Variants in NRG3 observed in about 807,000 individuals in gnomAD.
NRG3 encodes pro-neuregulin-3, membrane-bound isoform.
Under a neutral mutation model 66.9 loss-of-function variants are expected in NRG3, and 31 were observed. The ratio of observed to expected loss-of-function variants is 0.46; its 90% CI spans 0.35 to 0.63. NRG3 has a LOEUF of 0.63. NRG3 is among the 20% of genes least tolerant of loss of function. NRG3 has a pLI of 0.00. For synonymous variants in NRG3, 393 were observed against 359.4 expected, an observed-to-expected ratio of 1.09 and a Z score of -1.06; for missense variants, 910 against 878.9, an observed-to-expected ratio of 1.04 and a Z score of -0.45.
chr10:82,861,278 T>C (rs1011713708), intron 3 of NRG3, among the ~76,000 whole-genome samples: 1 of 152,026 alleles, frequency 6.6e-6, no homozygotes, highest in African/African-American at 2.4e-5. Context: ...TAAGCTATTA[T>C]AAAAAATTAA....
At chr10:82,495,558 C>A (rs11194699) in intron 2 of NRG3, among the ~76,000 whole-genome samples, 1 of 151,826 alleles carries the variant, frequency 6.6e-6, no homozygotes, top group Non-Finnish European at 1.5e-5. Flanking sequence ...ACTGTTTTCC[C>A]AGAGTAATCT....
intron 5 of NRG3, among the ~76,000 whole-genome samples, chr10:82,951,784 C>T (rs969482746): frequency 6.6e-6 from 1 of 152,096 alleles, no homozygotes; most frequent in Non-Finnish European, 1.5e-5. Context: ...CACATGTGTG[C>T]GCGGTTTATC....
chr10:82,541,979 A>G (rs749624685), intron 2 of NRG3, among the ~76,000 whole-genome samples: 19 of 152,174 alleles, frequency 1.2e-4, no homozygotes, highest in Non-Finnish European at 2.2e-4. Context: ...ATAGGTATAC[A>G]TGTGCCATGG....
At position 82,714,112 on chromosome 10, in the gene NRG3, A is replaced by G. The variant is rs982446097; in HGVS notation, c.954-24465A>G. ...GTTAATTTCATTTACTTTTTCATTG[A>G]CAGTTAAAATGATATGTATTACTAT... On this transcript the variant is annotated intron_variant, in intron 2 of 8. Coordinates refer to ENST00000372141, the MANE Select transcript of NRG3 (RefSeq NM_001010848.4). Among the ~76,000 whole-genome samples the G allele has an allele frequency of 3.3e-5, 5 of 152,314 alleles. 1 individual carries two copies. The highest frequency in any genetic ancestry group is 3.3e-4 in the Admixed American group (5 of 15,306).
chr10:82,353,092 G>A (rs766861193), intron 1 of NRG3, among the ~76,000 whole-genome samples: 8 of 152,138 alleles, frequency 5.3e-5, no homozygotes, highest in Non-Finnish European at 8.8e-5. Context: ...TGGCTACTAG[G>A]TTTCTGGCCT....
At chr10:81,883,575 A>T (rs1262618185) in intron 1 of NRG3, among the ~76,000 whole-genome samples, 1 of 152,140 alleles carries the variant, frequency 6.6e-6, no homozygotes, top group Non-Finnish European at 1.5e-5. Flanking sequence ...CCATACGAAC[A>T]TTTTTTTAAA....
intron 1 of NRG3, among the ~76,000 whole-genome samples, chr10:82,047,947 TCC>T (rs2063389339): frequency 2.0e-5 from 3 of 151,806 alleles, no homozygotes; most frequent in African/African-American, 7.3e-5. Context: ...GGGGTTGCAA[TCC>T]TCATCTCTGA....
chr10:82,958,139 A>C (rs1564665681), intron 5 of NRG3, among the ~76,000 whole-genome samples: 1 of 152,182 alleles, frequency 6.6e-6, no homozygotes. Flanking sequence ...AAGCGGTGGG[A>C]CCATGAGCAC....
At chr10:82,097,430 TATATATATATATCTGTA>T (rs1420175303) in intron 1 of NRG3, among the ~76,000 whole-genome samples, 3 of 136,370 alleles carry the variant, frequency 2.2e-5, no homozygotes, top group African/African-American at 3.2e-5. Flanking sequence ...CTGTAATATA[TATATATATATATCTGTA>T]ATATATATAT....
chr10:82,825,058 A>G (rs1435765761), intron 3 of NRG3, among the ~76,000 whole-genome samples: 1 of 152,088 alleles, frequency 6.6e-6, no homozygotes, highest in Non-Finnish European at 1.5e-5. Flanking sequence ...TTTATGTATT[A>G]TGCATCCAAG....
intron 1 of NRG3, among the ~76,000 whole-genome samples, chr10:81,984,628 C>T (rs1418679035): frequency 6.6e-6 from 1 of 152,182 alleles, no homozygotes; most frequent in Non-Finnish European, 1.5e-5. Flanking sequence ...CGTCAAGAGG[C>T]AGTTTAAATA....
chr10:82,363,996 GA>G (rs778886070), intron 2 of NRG3, among the ~76,000 whole-genome samples: 7 of 149,412 alleles, frequency 4.7e-5, no homozygotes, highest in Admixed American at 1.3e-4. Flanking sequence ...TCCTAATTCT[GA>G]AAAAAAAACT....
chr10:82,196,118 T>C (rs2074434287), intron 1 of NRG3, among the ~76,000 whole-genome samples: 1 of 152,134 alleles, frequency 6.6e-6, no homozygotes, highest in South Asian at 2.1e-4. Flanking sequence ...AATCTGAGAC[T>C]CCATCTAAAA....
chr10:82,652,510 C>G (rs947543060), intron 2 of NRG3, among the ~76,000 whole-genome samples: 1 of 152,134 alleles, frequency 6.6e-6, no homozygotes, highest in African/African-American at 2.4e-5. Flanking sequence ...TCAAGGTTTC[C>G]CTCTGAAGTC....
intron 2 of NRG3, among the ~76,000 whole-genome samples, chr10:82,685,036 C>G (rs1047937670): frequency 6.6e-6 from 1 of 151,930 alleles, no homozygotes; most frequent in Non-Finnish European, 1.5e-5. Context: ...GGCAAGTCAT[C>G]TACGAAGTAA....
chr10:82,180,522 T>C (rs1325291565), intron 1 of NRG3, among the ~76,000 whole-genome samples: 1 of 151,972 alleles, frequency 6.6e-6, no homozygotes. Flanking sequence ...TCCTTTATTC[T>C]GTTAATGTGG....
chr10:82,661,716 T>C (rs2052378098), intron 2 of NRG3, among the ~76,000 whole-genome samples: 1 of 152,240 alleles, frequency 6.6e-6, no homozygotes, highest in South Asian at 2.1e-4. Context: ...CGTATTTATG[T>C]ATTCATGATT....
chr10:82,135,198 T>G (rs2069242362), intron 1 of NRG3, among the ~76,000 whole-genome samples: 1 of 152,124 alleles, frequency 6.6e-6, no homozygotes, highest in Non-Finnish European at 1.5e-5. Flanking sequence ...CCACTGAGAA[T>G]TCTGCTGCCA....
At chr10:82,895,557 C>T (rs1301273634) in intron 4 of NRG3, among the ~76,000 whole-genome samples, 2 of 146,450 alleles carry the variant, frequency 1.4e-5, no homozygotes, top group Admixed American at 7.0e-5. Context: ...GTGGCACGAT[C>T]TCGGCTCACT....
Sources: allele counts gnomAD v4.1 joint callset (sites outside exome capture counted in the v4.1 genomes callset), GRCh38; gene constraint gnomAD v4.1.1; transcripts MANE v1.5; gene names NCBI Gene and HGNC (gene_info 2026-07-23, HGNC 2026-07-21).